Variants in HNRNPA3 observed in about 807,000 individuals in gnomAD.
The protein encoded by HNRNPA3 is heterogeneous nuclear ribonucleoprotein A3, also known as epididymis secretory sperm binding protein.
Under a neutral mutation model 45.8 loss-of-function variants are expected in HNRNPA3, and 3 were observed. That is an observed-to-expected ratio of 0.07 (90% confidence interval 0.03 to 0.17). The LOEUF is 0.17. Ranked by LOEUF, HNRNPA3 falls within the 10% of genes least tolerant of loss-of-function variation. HNRNPA3 has a pLI of 1.00. For missense variants in HNRNPA3, 183 were observed against 480.3 expected (o/e 0.38, Z 5.79); for synonymous variants, 170 against 155.6 (o/e 1.09, Z -0.69).
At chr2:177,218,795 G>C (rs1170299880) in intron 8 of HNRNPA3, among the ~76,000 whole-genome samples, 1 of 152,200 alleles carries the variant, frequency 6.6e-6, no homozygotes, top group African/African-American at 2.4e-5. Flanking sequence ...ATAGTGAATG[G>C]AACACTGGCA....
intron 1 of HNRNPA3, among the ~76,000 whole-genome samples, chr2:177,213,235 G>A (rs1688763664): frequency 6.6e-6 from 1 of 152,208 alleles, no homozygotes. Flanking sequence ...GGCACATCCG[G>A]GCGAGCGAGC....
chr2:177,216,115 C>G (rs746120227), exon 4 of HNRNPA3: 2 of 1,562,578 alleles, frequency 1.3e-6, no homozygotes, highest in South Asian at 1.1e-5. Flanking sequence ...TTATGGAAGA[C>G]AGGCAGAGTG....
chr2:177,217,876 A>G, intron 8 of HNRNPA3, 31 bp downstream of exon 8: 1 of 1,526,040 alleles, frequency 6.6e-7, no homozygotes, highest in Non-Finnish European at 8.8e-7. Context: ...TTTAAATGTT[A>G]AATATTCAGT....
rs565136773 is a variant in HNRNPA3 at position 177,214,911 on chromosome 2, C to G, written c.73-628C>G. Among the ~76,000 whole-genome samples the G allele has an allele frequency of 3.3e-5, 5 of 152,190 alleles. No homozygotes were observed. The East Asian group carries it at 5.8e-4, about 18-fold the overall frequency. ...GTTTAGTGCCTTAGAAAATGACTTA[C>G]TAGCAACTTCTAAAGTAAAGGTTCT... On this transcript the variant is annotated intron_variant, in intron 1 of 10. Transcript: ENST00000392524.
chr2:177,212,956 G>A, intron 1 of HNRNPA3, 85 bp downstream of exon 1: 6 of 918,100 alleles, frequency 6.5e-6, no homozygotes, highest in Non-Finnish European at 9.2e-6. Flanking sequence ...CGGGTGGACC[G>A]GGTCGGCCGT....
exon 4 of HNRNPA3, chr2:177,216,019 T>C: frequency 6.3e-7 from 1 of 1,598,876 alleles, no homozygotes; most frequent in Non-Finnish European, 8.5e-7. Context: ...TGAAGAAAAT[T>C]TTTGTTGGTG....
At chr2:177,222,465 C>T (rs1689223184), downstream of HNRNPA3, 1 of 152,160 alleles carries the variant, frequency 6.6e-6, no homozygotes. Flanking sequence ...ACAACAGACT[C>T]AGTAAGCTGC....
chr2:177,215,715 G>A (rs574303887), intron 2 of HNRNPA3, 35 bp from the exon 3 acceptor site: 1 of 1,597,222 alleles, frequency 6.3e-7, no homozygotes, highest in South Asian at 1.1e-5. Context: ...ACCGGTGGAG[G>A]TGTTTTCAAC....
At chr2:177,214,561 C>T (rs771448427) in intron 1 of HNRNPA3, among the ~76,000 whole-genome samples, 34 of 152,220 alleles carry the variant, frequency 2.2e-4, no homozygotes, top group Non-Finnish European at 4.6e-4. Context: ...TTTGGGAGGC[C>T]GAGGCGGGCG....
At chr2:177,214,326 A>T (rs1227369448) in intron 1 of HNRNPA3, among the ~76,000 whole-genome samples, 1 of 152,234 alleles carries the variant, frequency 6.6e-6, no homozygotes, top group Non-Finnish European at 1.5e-5. Flanking sequence ...TTTGCAGCAT[A>T]TAACAAACAT....
At chr2:177,219,419 TAGC>T (rs1352567541) in exon 11 of HNRNPA3, 4 of 837,594 alleles carry the variant, frequency 4.8e-6, no homozygotes, top group Non-Finnish European at 7.3e-6. Flanking sequence ...CTACAGTTCT[TAGC>T]AGGAGAGAGA....
downstream of HNRNPA3, chr2:177,221,698 A>G (rs1181152010): frequency 6.6e-6 from 1 of 152,546 alleles, no homozygotes; most frequent in Non-Finnish European, 1.5e-5. Flanking sequence ...ACTCACTAAG[A>G]CAGGACTTCA....
At chr2:177,222,331 C>T (rs761051561), downstream of HNRNPA3, 3 of 152,214 alleles carry the variant, frequency 2.0e-5, no homozygotes, top group Non-Finnish European at 2.9e-5. Flanking sequence ...CATAAGTATT[C>T]ATATCAAGTC....
rs182422970 is a variant in HNRNPA3, at chr2:177,214,124, A to G, written c.72+1253A>G. ...GAAACCTTAATGCATGCATTAAATG[A>G]CAGTTCATGCAATGTGTTAAAAAGT... On this transcript the variant is annotated intron_variant, in intron 1 of 10. Coordinates refer to ENST00000392524, the Ensembl canonical transcript of HNRNPA3. 5.8e-3 allele frequency among the ~76,000 whole-genome samples: 877 copies of G among 152,386 alleles called. 12 individuals carry two copies. Among genetic ancestry groups the G allele is most frequent in the Non-Finnish European group, 6.9e-3 (467 of 68,038 alleles).
intron 7 of HNRNPA3, 62 bp downstream of exon 7, chr2:177,217,002 T>G (rs1651273431): frequency 2.2e-6 from 3 of 1,365,156 alleles, no homozygotes; most frequent in Admixed American, 3.0e-5. Context: ...TGAAAATTAT[T>G]TATTACACTT....
chr2:177,212,916 G>C, intron 1 of HNRNPA3, 45 bp downstream of exon 1: 4 of 1,264,774 alleles, frequency 3.2e-6, no homozygotes, highest in Non-Finnish European at 4.3e-6. Flanking sequence ...GGCCGGCGTT[G>C]GGGGCCTGGT....
chr2:177,223,853 A>G (rs1340795501), downstream of HNRNPA3: 2 of 152,194 alleles, frequency 1.3e-5, no homozygotes, highest in Non-Finnish European at 2.9e-5. Flanking sequence ...ATTTTTAGAA[A>G]TGTGTGTGTT....
At chr2:177,215,729 A>G (rs370344016) in intron 2 of HNRNPA3, 21 bp from the exon 3 acceptor site, 1 of 1,610,588 alleles carries the variant, frequency 6.2e-7, no homozygotes, top group African/African-American at 1.3e-5. Context: ...TTTCAACGTT[A>G]TAAAACTTTT....
At chr2:177,217,884 A>G (rs762805786) in intron 8 of HNRNPA3, 39 bp downstream of exon 8, 17 of 1,506,626 alleles carry the variant, frequency 1.1e-5, no homozygotes, top group Non-Finnish European at 1.5e-5. Flanking sequence ...TTAAATATTC[A>G]GTGTTGCTAA....
Sources: gnomAD v4.1 joint callset for allele counts (sites outside exome capture counted in the v4.1 genomes callset) on GRCh38, gnomAD v4.1.1 for gene constraint, MANE v1.5 for transcripts, NCBI Gene and HGNC (gene_info 2026-07-23, HGNC 2026-07-21) for gene names.